The following PDE8B variants were observed in gnomAD, a reference collection of about 807,000 sequenced individuals.
The protein encoded by PDE8B is high affinity cAMP-specific and IBMX-insensitive 3',5'-cyclic phosphodiesterase 8B.
A neutral mutation model predicts 101.3 loss-of-function variants in PDE8B; 26 were observed. The ratio of observed to expected loss-of-function variants is 0.26; its 90% CI spans 0.19 to 0.36. The LOEUF is 0.36. Ranked by LOEUF, PDE8B falls within the 10% of genes least tolerant of loss-of-function variation. The pLI is 1.00. For synonymous variants in PDE8B, 424 were observed against 429.3 expected, an observed-to-expected ratio of 0.99 and a Z score of 0.15; for missense variants, 810 against 1,163.1, an observed-to-expected ratio of 0.70 and a Z score of 4.42.
chr5:77,329,152 G>T, intron 4 of PDE8B, 95 bp downstream of exon 4: 1 of 928,918 alleles, frequency 1.1e-6, no homozygotes, highest in Non-Finnish European at 1.8e-6. Flanking sequence ...TAAGCAATGG[G>T]TGTGTCTTGG....
the PDE8B span, among the ~76,000 whole-genome samples, chr5:77,179,724 A>C: frequency 2.6e-5 from 4 of 152,164 alleles, no homozygotes; most frequent in African/African-American, 9.7e-5. Flanking sequence ...GGATAACTTC[A>C]GCCCCTAATA....
the PDE8B span, among the ~76,000 whole-genome samples, chr5:77,095,739 C>A: frequency 2.0e-5 from 3 of 152,192 alleles, no homozygotes; most frequent in African/African-American, 7.2e-5. Flanking sequence ...CATCTAATTT[C>A]TTTGGGGCAT....
chr5:77,296,899 G>A (rs1768702746), intron 1 of PDE8B, among the ~76,000 whole-genome samples: 1 of 152,108 alleles, frequency 6.6e-6, no homozygotes, highest in Admixed American at 6.5e-5. Flanking sequence ...GTTCTCCAGA[G>A]TTCTGTCTTT....
At chr5:77,126,946 C>A in the PDE8B span, among the ~76,000 whole-genome samples, 1 of 152,198 alleles carries the variant, frequency 6.6e-6, no homozygotes, top group Admixed American at 6.5e-5. Context: ...TTATAGGCCA[C>A]TATTTTGTCC....
intron 13 of PDE8B, 62 bp from the exon 14 acceptor site, chr5:77,408,831 A>C: frequency 7.6e-7 from 1 of 1,309,220 alleles, no homozygotes; most frequent in South Asian, 1.2e-5. Flanking sequence ...CTGGGCATAT[A>C]TATGACTTTT....
At chr5:77,104,480 C>T in the PDE8B span, 207 of 152,190 alleles carry the variant, frequency 1.4e-3, no homozygotes, top group African/African-American at 4.8e-3. Flanking sequence ...AGAGGCTTCT[C>T]GGGGTCTTCA....
chr5:77,331,635 G>A (rs1013590368), intron 5 of PDE8B, among the ~76,000 whole-genome samples, 176 bp downstream of exon 5: 1 of 152,134 alleles, frequency 6.6e-6, no homozygotes, highest in Non-Finnish European at 1.5e-5. Flanking sequence ...TGCCAGTCGA[G>A]CTCTTTGCGT....
chr5:77,278,956 T>C (rs1580753682), intron 1 of PDE8B, among the ~76,000 whole-genome samples: 2 of 152,232 alleles, frequency 1.3e-5, no homozygotes, highest in East Asian at 3.8e-4. Flanking sequence ...CTTCCTGTTG[T>C]TAGAGTGCTT....
At chr5:77,242,375 T>G (rs1364335076) in intron 1 of PDE8B, among the ~76,000 whole-genome samples, 1 of 152,232 alleles carries the variant, frequency 6.6e-6, no homozygotes, top group East Asian at 1.9e-4. Context: ...TCAACATATT[T>G]CATCTACATC....
chr5:77,087,760 T>A, the PDE8B span: 2 of 152,324 alleles, frequency 1.3e-5, no homozygotes, highest in African/African-American at 4.8e-5. Flanking sequence ...CCATGCTCCC[T>A]GCTGGGCTGG....
At position 77,328,961 on chromosome 5, in the gene PDE8B, A is replaced by G. The variant is rs1312247350; in HGVS notation, c.591-37A>G. On this transcript the variant is annotated intron_variant, in intron 3 of 21. Coordinates refer to ENST00000264917, the MANE Select transcript of PDE8B (RefSeq NM_003719.5). ...ACATTCATTTAATGTAACAAAGCCC[A>G]GATCACCTTGTTTGACTTGGAGCCT... 4 of 1,553,154 alleles carry G rather than the reference A, an allele frequency of 2.6e-6. No individual in the cohort carries two copies. The African/African-American group carries it at 5.4e-5, about 21-fold the overall frequency.
rs561848095 is a variant in PDE8B, at chr5:77,216,023, C to A, written c.339+4759C>A. On this transcript the variant is annotated intron_variant, in intron 1 of 21. Coordinates refer to ENST00000264917, the MANE Select transcript of PDE8B (RefSeq NM_003719.5). Reference sequence around the variant, plus strand: ...GGAGGGCTGTAGGTAACTTTGTGAACCCAGCACCAAATGACACAAGACCAA... The same window carrying A: ...GGAGGGCTGTAGGTAACTTTGTGAAACCAGCACCAAATGACACAAGACCAA... Among the ~76,000 whole-genome samples the A allele has an allele frequency of 2.9e-4, 44 of 152,246 alleles. 3 individuals carry two copies. The South Asian group carries it at 8.7e-3, about 30-fold the overall frequency.
intron 1 of PDE8B, among the ~76,000 whole-genome samples, chr5:77,286,437 A>G (rs966367114): frequency 6.6e-6 from 1 of 152,188 alleles, no homozygotes; most frequent in Non-Finnish European, 1.5e-5. Flanking sequence ...TCACAGTTGG[A>G]CCGTCCCATG....
At chr5:77,286,517 C>T (rs916733541) in intron 1 of PDE8B, among the ~76,000 whole-genome samples, 6 of 152,208 alleles carry the variant, frequency 3.9e-5, no homozygotes, top group African/African-American at 1.4e-4. Context: ...ATGCTAGATT[C>T]CTTCTCCAGA....
the PDE8B span, among the ~76,000 whole-genome samples, chr5:77,122,417 T>A: frequency 6.6e-6 from 1 of 152,030 alleles, no homozygotes; most frequent in Admixed American, 6.6e-5. Context: ...TCAAAAACAA[T>A]AATCACACTT....
At chr5:77,147,106 A>G in the PDE8B span, 1 of 357,482 alleles carries the variant, frequency 2.8e-6, no homozygotes, top group South Asian at 2.6e-5. Context: ...GTCACGGCTA[A>G]AAAAAGCAAA....
the PDE8B span, among the ~76,000 whole-genome samples, chr5:77,151,637 C>T: frequency 6.6e-6 from 1 of 152,132 alleles, no homozygotes; most frequent in African/African-American, 2.4e-5. Flanking sequence ...TCATTTTATA[C>T]ATGAGGAACA....
At chr5:77,425,688 G>A in intron 20 of PDE8B, 79 bp from the exon 21 acceptor site, 1 of 1,429,984 alleles carries the variant, frequency 7.0e-7, no homozygotes, top group Non-Finnish European at 9.9e-7. Context: ...ATTTTCACAG[G>A]GTTGTTCTGA....
At chr5:77,100,761 A>G in the PDE8B span, among the ~76,000 whole-genome samples, 138 of 152,198 alleles carry the variant, frequency 9.1e-4, no homozygotes, top group African/African-American at 3.3e-3. Flanking sequence ...CCGTGATTTC[A>G]GGGGTCTCAC....
Sources: gnomAD v4.1 joint callset for allele counts (sites outside exome capture counted in the v4.1 genomes callset) on GRCh38, gnomAD v4.1.1 for gene constraint, MANE v1.5 for transcripts, NCBI Gene and HGNC (gene_info 2026-07-23, HGNC 2026-07-21) for gene names.